Variants in BANK1 observed in about 807,000 individuals in gnomAD.
BANK1 encodes the protein B-cell scaffold protein with ankyrin repeats.
A neutral mutation model predicts 94.5 loss-of-function variants in BANK1; 95 were observed. The ratio of observed to expected loss-of-function variants is 1.00; its 90% CI spans 0.85 to 1.19. The LOEUF (loss-of-function observed/expected upper bound fraction) is 1.19, where lower values mean the gene tolerates loss of function less well. BANK1 is among the 50% of genes most tolerant of loss of function. The pLI is 0.00. For synonymous variants in BANK1, 334 were observed against 308.4 expected, an observed-to-expected ratio of 1.08 and a Z score of -0.87; for missense variants, 987 against 932.2, an observed-to-expected ratio of 1.06 and a Z score of -0.77.
At chr4:101,794,994 A>G (rs1725106036) in intron 1 of BANK1, among the ~76,000 whole-genome samples, 1 of 152,192 alleles carries the variant, frequency 6.6e-6, no homozygotes, top group South Asian at 2.1e-4. Context: ...TGTGTTCTAC[A>G]TTATAGAGAC....
At chr4:101,896,868 A>C (rs527675568) in intron 6 of BANK1, among the ~76,000 whole-genome samples, 22 of 151,952 alleles carry the variant, frequency 1.4e-4, no homozygotes, top group Admixed American at 3.3e-4. Flanking sequence ...AAAAGAATGA[A>C]AATAATCTTC....
rs70964197 is a variant in BANK1, at chr4:101,839,937, A to ATTTTTTTTTTTTTTTTTTTT, written c.469+9761_469+9780dup. On this transcript the variant is annotated intron_variant, in intron 2 of 16. Transcript: ENST00000322953. ...GCTACTATATAATTTCAAATATTTA[A>ATTTTTTTTTTTTTTTTTTTT]TTTTTTTTTTTTTTTTTTTTTTTTT... Among the ~76,000 whole-genome samples, 3 of 53,036 alleles carry ATTTTTTTTTTTTTTTTTTTT rather than the reference A, an allele frequency of 5.7e-5. 1 individual carries two copies. The highest frequency in any genetic ancestry group is 7.5e-5 in the African/African-American group (1 of 13,280). The allele number at this position is 53,036 out of a possible 152,430, so 34.8% of individuals were successfully genotyped here.
At chr4:101,919,353 A>G (rs1039491463) in intron 7 of BANK1, among the ~76,000 whole-genome samples, 1 of 151,942 alleles carries the variant, frequency 6.6e-6, no homozygotes, top group African/African-American at 2.4e-5. Flanking sequence ...TCATTCTTCC[A>G]CTTCTTGCTC....
At chr4:101,939,863 A>G (rs1345666989) in intron 7 of BANK1, among the ~76,000 whole-genome samples, 1 of 151,778 alleles carries the variant, frequency 6.6e-6, no homozygotes, top group Non-Finnish European at 1.5e-5. Context: ...AAATACATCA[A>G]TAAGAAAATA....
intron 11 of BANK1, among the ~76,000 whole-genome samples, chr4:102,048,270 T>C (rs1727946187): frequency 6.6e-6 from 1 of 152,170 alleles, no homozygotes; most frequent in South Asian, 2.1e-4. Flanking sequence ...CAAATGTTTC[T>C]TTAAAAACCT....
intron 7 of BANK1, among the ~76,000 whole-genome samples, chr4:101,971,242 G>A (rs1213059535): frequency 2.0e-5 from 3 of 152,030 alleles, no homozygotes; most frequent in African/African-American, 7.2e-5. Flanking sequence ...GGGATACTGA[G>A]GTATTTTGTG....
intron 3 of BANK1, among the ~76,000 whole-genome samples, chr4:101,861,311 G>GT (rs1236511995): frequency 6.6e-6 from 1 of 152,184 alleles, no homozygotes; most frequent in East Asian, 1.9e-4. Flanking sequence ...GCATAAAGAT[G>GT]TAAGTTTTAT....
At chr4:101,910,288 A>G (rs1008054386) in intron 6 of BANK1, among the ~76,000 whole-genome samples, 29 of 152,192 alleles carry the variant, frequency 1.9e-4, no homozygotes, top group Admixed American at 1.8e-3. Flanking sequence ...AGTGAACAGT[A>G]ATTGATTGGC....
At chr4:102,071,456 A>G in intron 14 of BANK1, 152 bp downstream of exon 14, 2 of 751,374 alleles carry the variant, frequency 2.7e-6, no homozygotes, top group African/African-American at 1.7e-5. Flanking sequence ...CTTGACATCC[A>G]AAATAAACGT....
chr4:101,869,098 C>T (rs1370603184), intron 4 of BANK1, among the ~76,000 whole-genome samples: 1 of 151,770 alleles, frequency 6.6e-6, no homozygotes, highest in Non-Finnish European at 1.5e-5. Context: ...AACTACCAAG[C>T]AAATCTCACC....
intron 11 of BANK1, among the ~76,000 whole-genome samples, chr4:102,048,176 C>G (rs766016863): frequency 2.0e-5 from 3 of 151,932 alleles, no homozygotes; most frequent in African/African-American, 4.8e-5. Context: ...CTTTAGATTC[C>G]TTTATTCCTG....
chr4:102,042,034 A>G (rs1207760486), intron 10 of BANK1, among the ~76,000 whole-genome samples: 1 of 152,088 alleles, frequency 6.6e-6, no homozygotes, highest in Non-Finnish European at 1.5e-5. Context: ...AGAATTTATT[A>G]TCTGAATAGA....
At position 101,839,967 on chromosome 4, in the gene BANK1, T is replaced by A. The variant is rs1393050379; in HGVS notation, c.469+9761T>A. 9.2e-3 allele frequency among the ~76,000 whole-genome samples: 740 copies of A among 80,404 alleles called. 32 individuals carry two copies. The highest frequency in any genetic ancestry group is 0.033 in the African/African-American group (700 of 20,986). The allele number at this position is 80,404 out of a possible 152,430, so 52.7% of individuals were successfully genotyped here. On this transcript the variant is annotated intron_variant, in intron 2 of 16. Transcript: ENST00000322953. ...TTTTTTTTTTTTTTTTTTTTTTTTT[T>A]TTTTTTTTTTTTTTTTTTTGAGACA...
intron 1 of BANK1, among the ~76,000 whole-genome samples, chr4:101,806,797 T>G (rs1477396436): frequency 6.6e-6 from 1 of 152,176 alleles, no homozygotes; most frequent in African/African-American, 2.4e-5. Flanking sequence ...TATCCATCAT[T>G]CATTTATTCT....
intron 10 of BANK1, among the ~76,000 whole-genome samples, chr4:102,040,357 T>A (rs1007288142): frequency 6.6e-6 from 1 of 152,114 alleles, no homozygotes; most frequent in Non-Finnish European, 1.5e-5. Flanking sequence ...GAAATTTGTA[T>A]TCTTTGGGAT....
At chr4:101,845,763 A>G (rs1320009770) in intron 2 of BANK1, among the ~76,000 whole-genome samples, 1 of 152,234 alleles carries the variant, frequency 6.6e-6, no homozygotes, top group Non-Finnish European at 1.5e-5. Flanking sequence ...ATCCTAACTG[A>G]AACATCAATG....
intron 12 of BANK1, 58 bp downstream of exon 12, chr4:102,060,447 T>C (rs1728381503): frequency 1.3e-6 from 2 of 1,533,702 alleles, no homozygotes; most frequent in Non-Finnish European, 1.7e-6. Flanking sequence ...CCCTAGTTTG[T>C]TAATGTTTAA....
Position 101,833,426 on chromosome 4 carries a change from T to C in BANK1, c.469+3220T>C, listed in dbSNP as rs558605692. Among the ~76,000 whole-genome samples, 15 of 152,364 alleles carry C rather than the reference T, an allele frequency of 9.8e-5. 1 individual carries two copies. In the South Asian group the frequency reaches 3.1e-3, roughly 32 times the overall value. ...GACTGTACTTCTCTGCTTCCACAGA[T>C]GTAGACTGCTTTCTGTAATATGATT... On this transcript the variant is annotated intron_variant, in intron 2 of 16. Coordinates refer to ENST00000322953, the MANE Select transcript of BANK1 (RefSeq NM_017935.5).
intron 7 of BANK1, among the ~76,000 whole-genome samples, chr4:101,945,867 C>T (rs961409931): frequency 4.0e-5 from 6 of 151,890 alleles, no homozygotes; most frequent in Non-Finnish European, 7.4e-5. Context: ...ACATACCCCC[C>T]AATCAGAAGA....
Sources: allele counts gnomAD v4.1 joint callset (sites outside exome capture counted in the v4.1 genomes callset), GRCh38; gene constraint gnomAD v4.1.1; transcripts MANE v1.5; gene names NCBI Gene and HGNC (gene_info 2026-07-23, HGNC 2026-07-21).